The following PPP1R9A variants were observed in gnomAD, a reference collection of about 807,000 sequenced individuals.
PPP1R9A encodes the protein neurabin-1.
PPP1R9A carries 59 observed loss-of-function variants against 141.9 expected under a neutral mutation model. The observed-to-expected ratio is 0.42, with a 90% confidence interval of 0.34 to 0.52. The LOEUF is 0.52. PPP1R9A is among the 20% of genes least tolerant of loss of function. The pLI is 0.10. For missense variants in PPP1R9A, 1,444 were observed against 1,611.9 expected, an observed-to-expected ratio of 0.90 and a Z score of 1.78; for synonymous variants, 500 against 569.7, an observed-to-expected ratio of 0.88 and a Z score of 1.74.
intron 5 of PPP1R9A, among the ~76,000 whole-genome samples, chr7:95,181,747 GTCACATATATATAGAATATATATATA>G (rs1833879657): frequency 8.7e-6 from 1 of 114,782 alleles, no homozygotes; most frequent in East Asian, 2.4e-4. Flanking sequence ...TATATATTCC[GTCACATATATATAGAATATATATATA>G]TTCCGTCACA....
intron 2 of PPP1R9A, among the ~76,000 whole-genome samples, chr7:94,945,470 C>A (rs898209593): frequency 6.6e-6 from 1 of 151,840 alleles, no homozygotes; most frequent in Non-Finnish European, 1.5e-5. Context: ...TGTGGATGTC[C>A]GGGTCATTGA....
chr7:95,027,577 G>A (rs1320669522), intron 2 of PPP1R9A, among the ~76,000 whole-genome samples: 1 of 152,162 alleles, frequency 6.6e-6, no homozygotes, highest in Non-Finnish European at 1.5e-5. Context: ...TTATAGTCAT[G>A]TGTCACTTAG....
chr7:95,140,312 G>A (rs1826423178), intron 4 of PPP1R9A, among the ~76,000 whole-genome samples: 1 of 152,190 alleles, frequency 6.6e-6, no homozygotes, highest in South Asian at 2.1e-4. Flanking sequence ...GTGGGAGAAG[G>A]CATATATACA....
chr7:95,035,457 T>G (rs1808306661), intron 2 of PPP1R9A, among the ~76,000 whole-genome samples: 1 of 152,172 alleles, frequency 6.6e-6, no homozygotes, highest in South Asian at 2.1e-4. Context: ...GACTGCCACC[T>G]TGCCAAATCT....
rs1177706753 is a variant in PPP1R9A, at chr7:94,990,076, C to G, written c.1395+78568C>G. Reference sequence around the variant, plus strand: ...TTTATACATAATAAAATGCCTCTCACAATTCTGAAAGGACCTAGCGAATTT... The same window carrying G: ...TTTATACATAATAAAATGCCTCTCAGAATTCTGAAAGGACCTAGCGAATTT... On this transcript the variant is annotated intron_variant, in intron 2 of 19. Transcript: ENST00000433360. Among the ~76,000 whole-genome samples the G allele has an allele frequency of 4.6e-5, 7 of 152,142 alleles. No individual in the cohort carries two copies. The East Asian group carries it at 1.4e-3, about 29-fold the overall frequency.
chr7:95,027,642 A>G (rs1326535745), intron 2 of PPP1R9A, among the ~76,000 whole-genome samples: 7 of 152,214 alleles, frequency 4.6e-5, no homozygotes, highest in Non-Finnish European at 7.3e-5. Context: ...TTGTGCAAAC[A>G]TCATGGACTT....
chr7:94,958,287 A>G (rs1172746384), intron 2 of PPP1R9A, among the ~76,000 whole-genome samples: 2 of 152,056 alleles, frequency 1.3e-5, no homozygotes, highest in African/African-American at 4.8e-5. Context: ...TTGGCTTCTC[A>G]GGCTCTATCA....
chr7:95,181,373 TATATAGAG>T (rs1293316646), intron 5 of PPP1R9A, among the ~76,000 whole-genome samples: 1 of 136,400 alleles, frequency 7.3e-6, no homozygotes, highest in African/African-American at 2.8e-5. Context: ...ATGTATGGAA[TATATAGAG>T]AGAATAGAGA....
chr7:95,108,274 TC>T (rs1390412289), intron 2 of PPP1R9A, among the ~76,000 whole-genome samples: 23 of 133,872 alleles, frequency 1.7e-4, no homozygotes, highest in Non-Finnish European at 2.9e-4. Context: ...ATTTTCTTTT[TC>T]TTTTTCTTTT....
chr7:95,067,600 TG>T (rs1198299458), intron 2 of PPP1R9A, among the ~76,000 whole-genome samples: 3 of 151,664 alleles, frequency 2.0e-5, no homozygotes, highest in African/African-American at 2.4e-5. Context: ...ACAACTTTTA[TG>T]ATAATAATAA....
At chr7:95,030,123 G>T (rs1344502368) in intron 2 of PPP1R9A, among the ~76,000 whole-genome samples, 1 of 152,092 alleles carries the variant, frequency 6.6e-6, no homozygotes, top group African/African-American at 2.4e-5. Flanking sequence ...GGCTTCTTTT[G>T]CTGTGCACAG....
At chr7:94,950,631 T>G (rs1002727005) in intron 2 of PPP1R9A, among the ~76,000 whole-genome samples, 5 of 152,050 alleles carry the variant, frequency 3.3e-5, no homozygotes, top group Non-Finnish European at 7.4e-5. Context: ...TTCTATCTCT[T>G]TGGGTCTTCT....
chr7:95,236,769 GTTTA>G (rs1369272835), intron 8 of PPP1R9A, among the ~76,000 whole-genome samples: 1 of 149,892 alleles, frequency 6.7e-6, no homozygotes, highest in Non-Finnish European at 1.5e-5. Context: ...ATTGCACTTA[GTTTA>G]TTTATTTTTA....
intron 10 of PPP1R9A, among the ~76,000 whole-genome samples, chr7:95,251,318 C>T (rs1798841690): frequency 6.6e-6 from 1 of 152,108 alleles, no homozygotes; most frequent in African/African-American, 2.4e-5. Context: ...TTCTGACCCA[C>T]CCAGCCCCCT....
At chr7:95,181,582 C>T (rs1833825773) in intron 5 of PPP1R9A, among the ~76,000 whole-genome samples, 1 of 135,798 alleles carries the variant, frequency 7.4e-6, no homozygotes, top group Admixed American at 8.0e-5. Context: ...TATTCCATCA[C>T]ATATATATAG....
intron 2 of PPP1R9A, among the ~76,000 whole-genome samples, chr7:94,984,119 A>G (rs1447825384): frequency 1.3e-5 from 2 of 152,140 alleles, no homozygotes; most frequent in East Asian, 3.8e-4. Context: ...TTCTGTTTAC[A>G]TGCTGGATTA....
chr7:95,026,026 C>A (rs1340179174), intron 2 of PPP1R9A, among the ~76,000 whole-genome samples: 1 of 152,220 alleles, frequency 6.6e-6, no homozygotes, highest in African/African-American at 2.4e-5. Context: ...AGAACATGTT[C>A]CTTTAGCTCA....
intron 2 of PPP1R9A, among the ~76,000 whole-genome samples, chr7:94,982,254 T>C (rs1800218778): frequency 6.6e-6 from 1 of 152,222 alleles, no homozygotes; most frequent in South Asian, 2.1e-4. Flanking sequence ...TTCCAAGTCT[T>C]TGCTATTGTG....
rs66814698 is a variant in PPP1R9A, at chr7:94,920,366, A to AT, written c.1395+8872dup. 3.6e-3 allele frequency among the ~76,000 whole-genome samples: 532 copies of AT among 149,086 alleles called. 4 individuals carry two copies. The highest frequency in any genetic ancestry group is 5.1e-3 in the Non-Finnish European group (339 of 67,066). On this transcript the variant is annotated intron_variant, in intron 2 of 19. Coordinates refer to ENST00000433360, the MANE Select transcript of PPP1R9A (RefSeq NM_001166160.2). ...GTTCAACATGATTGAAATATTGATA[A>AT]TTTTTTTTTTTTTTACAGTTCCCGG...
Sources: gnomAD v4.1 joint callset for allele counts (sites outside exome capture counted in the v4.1 genomes callset) on GRCh38, gnomAD v4.1.1 for gene constraint, MANE v1.5 for transcripts, NCBI Gene and HGNC (gene_info 2026-07-23, HGNC 2026-07-21) for gene names.